Variants in CYP11A1 observed in about 807,000 individuals in gnomAD.
CYP11A1 encodes cytochrome P450 family 11 subfamily A member 1, also known as cholesterol side-chain cleavage enzyme, mitochondrial.
CYP11A1 carries 25 observed loss-of-function variants against 51.9 expected under a neutral mutation model. That is an observed-to-expected ratio of 0.48 (90% CI 0.35 to 0.67). The LOEUF is 0.67. Among genes scored for constraint, CYP11A1 ranks in the 30% least tolerant of loss-of-function variants. The probability of loss-of-function intolerance (pLI) is 0.00; values close to 1 mark genes in which losing one functional copy is unlikely to be tolerated. For synonymous variants in CYP11A1, 245 were observed against 262.1 expected (o/e 0.93, Z 0.63); for missense variants, 578 against 680.9 (o/e 0.85, Z 1.68).
rs1236262056 is a variant in CYP11A1 at position 74,345,379 on chromosome 15, C to T, written c.426-136G>A. On this transcript the variant is annotated intron_variant, in intron 2 of 8. Transcript: ENST00000268053. The surrounding 1 kb of genome is among the most constrained non-coding windows in gnomAD (Gnocchi z 4.3). ...CAGCACTCCCACCAGGGCCTCTGCC[C>T]TCACCTCTCCGAGCACCCTCTGCCT... 2 of 866,920 alleles carry T rather than the reference C, an allele frequency of 2.3e-6. No homozygotes were observed. The highest frequency in any genetic ancestry group is 4.1e-5 in the Admixed American group (2 of 48,816). 53.7% of individuals were successfully genotyped at this position (866,920 alleles called of 1,614,324 possible).
intron 6 of CYP11A1, 129 bp from the exon 7 acceptor site, chr15:74,339,444 C>T (rs2141231104): frequency 1.4e-6 from 2 of 1,400,450 alleles, no homozygotes; most frequent in East Asian, 2.3e-5. Context: ...AGGGCCCTGG[C>T]TCTATTTCTT....
intron 2 of CYP11A1, 23 bp downstream of exon 2, chr15:74,347,877 C>T (rs1403664405): frequency 6.2e-7 from 1 of 1,613,316 alleles, no homozygotes; most frequent in Admixed American, 1.7e-5. Context: ...CCTCCAGTCC[C>T]TGGGAGATGG....
chr15:74,362,532 A>G (rs2060713508), intron 1 of CYP11A1: 1 of 155,776 alleles, frequency 6.4e-6, no homozygotes, highest in South Asian at 2.0e-4. Flanking sequence ...ACACTATAAC[A>G]AAACTTCAGG....
At chr15:74,347,215 C>T (rs563936815) in intron 2 of CYP11A1, among the ~76,000 whole-genome samples, 2 of 152,130 alleles carry the variant, frequency 1.3e-5, no homozygotes, top group African/African-American at 4.8e-5. Flanking sequence ...TTGAGACCAG[C>T]CTGGGCAACA....
At chr15:74,366,064 G>GC (rs917832638) in intron 1 of CYP11A1, 8 of 985,522 alleles carry the variant, frequency 8.1e-6, no homozygotes, top group Admixed American at 1.2e-4. Flanking sequence ...GGGCGGATGG[G>GC]CTCGGGCTGT....
chr15:74,347,313 G>A lies in CYP11A1; in HGVS notation c.425+587C>T, dbSNP rs570832063. Among the ~76,000 whole-genome samples, 4 of 152,268 alleles carry A rather than the reference G, an allele frequency of 2.6e-5. No homozygotes were observed. In the South Asian group the frequency reaches 8.3e-4, roughly 32 times the overall value. Reference sequence around the variant, plus strand: ...AATCCCAGCTACTTGGGAGGCTGAGGTGGGAGGATCACCTGTGCCGGGGGG... The same window carrying A: ...AATCCCAGCTACTTGGGAGGCTGAGATGGGAGGATCACCTGTGCCGGGGGG... On this transcript the variant is annotated intron_variant, in intron 2 of 8. Transcript: ENST00000268053.
Position 74,345,308 on chromosome 15 carries a change from G to C in CYP11A1, c.426-65C>G. The stretch of plus-strand genomic sequence containing the variant: ...CCCCAGGCCTGGTGAACACAGAGGG[G>C]GCTGACTCAGTTTTCCCAGGAAGCT... On this transcript the variant is annotated intron_variant, in intron 2 of 8. Transcript: ENST00000268053. The surrounding 1 kb of genome is among the most constrained non-coding windows in gnomAD (Gnocchi z 4.3). 6.4e-7 allele frequency: 1 copy of C among 1,572,136 alleles called. No homozygotes were observed. The highest frequency in any genetic ancestry group is 1.7e-5 in the Admixed American group (1 of 59,088).
chr15:74,343,796 G>A lies in CYP11A1; in HGVS notation c.822C>T (p.Phe274=), dbSNP rs1130843. The change falls in exon 4 of 9, where the codon TTC becomes TTT. Residue 274 remains phenylalanine (F), a synonymous_variant. Coordinates refer to ENST00000268053, the MANE Select transcript of CYP11A1 (RefSeq NM_000781.3). The stretch of plus-strand genomic sequence containing the variant: ...AGCCAGAGAAGCCCTCACCTTTACT[G>A]AAAATCACGTCCCATGCAGCCACAT... The part of the protein sequence containing the change: ...KDHVAAWDVI[F]SKADIYTQNF... 2.5e-6 allele frequency: 4 copies of A among 1,612,304 alleles called. No homozygotes were observed. Among genetic ancestry groups the A allele is most frequent in the Non-Finnish European group, 8.5e-7 (1 of 1,179,904 alleles).
chr15:74,348,464 G>A (rs1445797125), intron 1 of CYP11A1, among the ~76,000 whole-genome samples: 1 of 152,146 alleles, frequency 6.6e-6, no homozygotes, highest in Non-Finnish European at 1.5e-5. Context: ...TGTCCACAGA[G>A]CTCAGAACCA....
In CYP11A1 at chr15:74,367,444, AG is replaced by A. The variant is rs2060739654; in HGVS notation, c.141del (p.Phe48SerfsTer13). Reference protein sequence around the residue: ...GAGISTRSPRPFNEIPSPGDN... With the variant: ...GAGISTRSPRXFNEIPSPGDN... ...TCACCAGGAGAGGGGATCTCATTGA[AG>A]GGGCGAGGACTGCGGGTGGAGATGC... On this transcript the variant is annotated frameshift_variant, in exon 1 of 9. Coordinates refer to ENST00000268053, the MANE Select transcript of CYP11A1 (RefSeq NM_000781.3). LOFTEE classifies it high-confidence loss of function. 6.2e-7 allele frequency: 1 copy of A among 1,614,196 alleles called. No individual in the cohort carries two copies. Among genetic ancestry groups the A allele is most frequent in the Admixed American group, 1.7e-5 (1 of 60,028 alleles).
At position 74,339,768 on chromosome 15, in the gene CYP11A1, G is replaced by A. The variant is rs779919285; in HGVS notation, c.991-15C>T. 7 of 1,613,882 alleles carry A rather than the reference G, an allele frequency of 4.3e-6. No individual in the cohort carries two copies. In the South Asian group the frequency reaches 6.6e-5, roughly 15 times the overall value. On this transcript the variant is annotated splice_polypyrimidine_tract_variant and intron_variant, in intron 5 of 8. Coordinates refer to ENST00000268053, the MANE Select transcript of CYP11A1 (RefSeq NM_000781.3). ...GTCATGGACGTCTGGTGGGGAGTAG[G>A]GTATACAGAAGACCAGGAGGGCCTG... is the stretch of plus-strand genomic sequence containing the variant.
chr15:74,343,757 G>T, intron 4 of CYP11A1, 32 bp downstream of exon 4: 3 of 1,590,000 alleles, frequency 1.9e-6, no homozygotes, highest in Non-Finnish European at 2.6e-6. Context: ...CTGGGGCTCC[G>T]AGGAGGAGAG....
chr15:74,344,677 C>G (rs2060623462), intron 3 of CYP11A1, among the ~76,000 whole-genome samples: 1 of 152,206 alleles, frequency 6.6e-6, no homozygotes, highest in African/African-American at 2.4e-5. Flanking sequence ...CTCTACCCTA[C>G]CAGACTCCAA....
chr15:74,357,918 G>T (rs139297355), intron 1 of CYP11A1, among the ~76,000 whole-genome samples: 1 of 152,058 alleles, frequency 6.6e-6, no homozygotes, highest in Non-Finnish European at 1.5e-5. Flanking sequence ...TTTCTGCCCC[G>T]CTCCACTACC....
intron 2 of CYP11A1, among the ~76,000 whole-genome samples, chr15:74,347,391 CAAT>C (rs2060637398): frequency 6.6e-6 from 1 of 151,994 alleles, no homozygotes; most frequent in African/African-American, 2.4e-5. Flanking sequence ...CTGGATGACA[CAAT>C]GAGATCCCAT....
intron 1 of CYP11A1, chr15:74,361,560 C>T (rs1006107210): frequency 2.5e-6 from 2 of 804,700 alleles, no homozygotes; most frequent in Non-Finnish European, 4.2e-6. Context: ...CCATGGTCAA[C>T]CCCACCGTGT....
Position 74,347,987 on chromosome 15 carries a change from G to C in CYP11A1, c.338C>G (p.Ser113Cys). ...GAATCGTTCTGGGTTGGGGCCCTCG[G>C]ACTTAAAGAGAAGGGCCACATCTTC... ...DPEDVALLFK[S>C]EGPNPERFLI... The change falls in exon 2 of 9, where the codon TCC becomes TGC. Residue 113 changes from serine (S) to cysteine (C), a missense_variant. Transcript: ENST00000268053. 1 of 1,614,190 alleles carries C rather than the reference G, an allele frequency of 6.2e-7. No homozygotes were observed. Among genetic ancestry groups the C allele is most frequent in the Non-Finnish European group, 8.5e-7 (1 of 1,180,018 alleles).
rs995420953 is a variant in CYP11A1 at position 74,365,750 on chromosome 15, G to A, written c.269+1567C>T. Reference sequence around the variant, plus strand: ...CCACTGTCGGCTCCGGTGGGCTCGGGTGAGCTCGGGTGAACGCAGCGAGCG... The same window carrying A: ...CCACTGTCGGCTCCGGTGGGCTCGGATGAGCTCGGGTGAACGCAGCGAGCG... On this transcript the variant is annotated intron_variant, in intron 1 of 8. Transcript: ENST00000268053. 15 of 985,428 alleles carry A rather than the reference G, an allele frequency of 1.5e-5. No individual in the cohort carries two copies. The African/African-American group carries it at 2.6e-4, about 17-fold the overall frequency. The allele number at this position is 985,428 out of a possible 1,614,324, so 61.0% of individuals were successfully genotyped here.
intron 6 of CYP11A1, 58 bp downstream of exon 6, chr15:74,339,529 T>G: frequency 6.3e-7 from 1 of 1,589,584 alleles, no homozygotes; most frequent in Non-Finnish European, 8.6e-7. Context: ...CCCCGGGCAC[T>G]TCCCTGGCCC....
Sources: gnomAD v4.1 joint callset for allele counts (sites outside exome capture counted in the v4.1 genomes callset) on GRCh38, gnomAD v4.1.1 for gene constraint, Gnocchi (gnomAD v3.1) non-coding constraint, MANE v1.5 for transcripts, NCBI Gene and HGNC (gene_info 2026-07-23, HGNC 2026-07-21) for gene names.